Variants in DDHD1 observed in about 807,000 individuals in gnomAD.
The protein encoded by DDHD1 is DDHD domain containing 1, also known as phospholipase DDHD1.
Under a neutral mutation model 96.4 loss-of-function variants are expected in DDHD1, and 49 were observed. The ratio of observed to expected loss-of-function variants is 0.51; its 90% CI spans 0.40 to 0.64. The LOEUF (loss-of-function observed/expected upper bound fraction) is 0.64, where lower values mean the gene tolerates loss of function less well. Among genes scored for constraint, DDHD1 ranks in the 30% least tolerant of loss-of-function variants. DDHD1 has a pLI of 0.00. For missense variants in DDHD1, 1,106 were observed against 1,161.2 expected (o/e 0.95, Z 0.69); for synonymous variants, 442 against 446.5 (o/e 0.99, Z 0.13).
rs546808674 is a variant in DDHD1, at chr14:53,138,996, T to G, written c.838+13265A>C. On this transcript the variant is annotated intron_variant, in intron 1 of 12. Coordinates refer to ENST00000673822, the MANE Select transcript of DDHD1 (RefSeq NM_001160148.2). ...CTAGATCCTTACTCCCTATCTCACC[T>G]AAGGAATGAAAGCCTTAAGCTGCTG... 3.3e-5 allele frequency among the ~76,000 whole-genome samples: 5 copies of G among 150,408 alleles called. No individual in the cohort carries two copies. The East Asian group carries it at 9.8e-4, about 29-fold the overall frequency.
At chr14:53,093,646 T>C (rs1886628989) in intron 2 of DDHD1, 1 of 564,826 alleles carries the variant, frequency 1.8e-6, no homozygotes, top group African/African-American at 1.9e-5. Flanking sequence ...AAATGATTAA[T>C]CCTGCTACAG....
intron 1 of DDHD1, among the ~76,000 whole-genome samples, chr14:53,145,366 G>T (rs1271230382): frequency 6.6e-6 from 1 of 151,834 alleles, no homozygotes; most frequent in Non-Finnish European, 1.5e-5. Context: ...AGCTGGGCAT[G>T]GTGACGTGCA....
chr14:53,048,338 GTTT>G (rs34204835), intron 12 of DDHD1, among the ~76,000 whole-genome samples: 3 of 130,468 alleles, frequency 2.3e-5, no homozygotes, highest in Admixed American at 7.7e-5. Flanking sequence ...TTTTTGGGCT[GTTT>G]TTTTTTTTTT....
chr14:53,048,496 C>A (rs1239682869), intron 12 of DDHD1: 1 of 151,996 alleles, frequency 6.6e-6, no homozygotes, highest in Non-Finnish European at 1.5e-5. Context: ...CACCACCACA[C>A]CTGGCTAATT....
rs35996453 is a variant in DDHD1, at chr14:53,124,249, T to TTATATATATATATA, written c.839-20407_839-20394dup. ...AAACTCTGTCTCAAAAAAAAAAAAA[T>TTATATATATATATA]TATATATATATATATGGTTAAAAAT... On this transcript the variant is annotated intron_variant, in intron 1 of 12. Transcript: ENST00000673822. Among the ~76,000 whole-genome samples, 105 of 146,520 alleles carry TTATATATATATATA rather than the reference T, an allele frequency of 7.2e-4. 2 individuals are homozygous for TTATATATATATATA. The highest frequency in any genetic ancestry group is 2.6e-3 in the African/African-American group (102 of 38,746).
At position 53,109,420 on chromosome 14, in the gene DDHD1, T is replaced by C. The variant is rs185016491; in HGVS notation, c.839-5564A>G. On this transcript the variant is annotated intron_variant, in intron 1 of 12. Transcript: ENST00000673822. ...TCCCTTCTCCTATTTTCTCAGTCTC[T>C]TAAGCCTTTCCTTACCCAGCTCTTC... Among the ~76,000 whole-genome samples the C allele has an allele frequency of 6.3e-3, 954 of 152,304 alleles. 3 individuals are homozygous for C. The highest frequency in any genetic ancestry group is 0.014 in the Middle Eastern group (4 of 294).
At chr14:53,066,612 T>C (rs1412796831) in intron 6 of DDHD1, among the ~76,000 whole-genome samples, 6 of 152,208 alleles carry the variant, frequency 3.9e-5, no homozygotes. Flanking sequence ...TCCTAGAATA[T>C]TGCCTAACAC....
At chr14:53,118,957 CG>C (rs1474038337) in intron 1 of DDHD1, among the ~76,000 whole-genome samples, 1 of 152,150 alleles carries the variant, frequency 6.6e-6, no homozygotes, top group Non-Finnish European at 1.5e-5. Context: ...AGACTAACGG[CG>C]GATCTCTTGG....
intron 7 of DDHD1, among the ~76,000 whole-genome samples, chr14:53,062,373 AAAG>A (rs1883658886): frequency 6.6e-6 from 1 of 152,084 alleles, no homozygotes. Flanking sequence ...TAAAGAGAAC[AAAG>A]AAGATAAGGC....
intron 4 of DDHD1, among the ~76,000 whole-genome samples, chr14:53,080,714 C>CCCCT (rs749462555): frequency 3.2e-5 from 1 of 30,874 alleles, no homozygotes; most frequent in Non-Finnish European, 6.1e-5. Context: ...CTTTTCCTTC[C>CCCCT]CCCTTTTTTT....
chr14:53,088,285 C>G (rs79538749), intron 4 of DDHD1, among the ~76,000 whole-genome samples: 3 of 152,224 alleles, frequency 2.0e-5, no homozygotes, highest in African/African-American at 7.2e-5. Context: ...TTGCAGTCAA[C>G]AGAAAAAGAG....
intron 2 of DDHD1, among the ~76,000 whole-genome samples, chr14:53,097,203 C>T (rs1217995546): frequency 6.6e-6 from 1 of 151,944 alleles, no homozygotes; most frequent in Non-Finnish European, 1.5e-5. Flanking sequence ...AGGTTAAATA[C>T]TGCTCAAATA....
intron 4 of DDHD1, among the ~76,000 whole-genome samples, chr14:53,084,509 A>C (rs1467772743): frequency 6.6e-6 from 1 of 152,206 alleles, no homozygotes; most frequent in Non-Finnish European, 1.5e-5. Flanking sequence ...ACATCACGGG[A>C]AGTAATACAT....
At chr14:53,072,791 A>T (rs1346456455) in intron 5 of DDHD1, 88 bp from the exon 6 acceptor site, 1 of 702,496 alleles carries the variant, frequency 1.4e-6, no homozygotes, top group Non-Finnish European at 2.3e-6. Flanking sequence ...GTTGCCTGAA[A>T]TAGTAACTAT....
rs532961209 is a variant in DDHD1, at chr14:53,111,643, C to A, written c.839-7787G>T. ...ATCTTTAAAGTTTATTACCCCCCCCCAAAAAAATACATTAGACTCAGCAAA... is the reference window on the plus strand; with the variant it reads ...ATCTTTAAAGTTTATTACCCCCCCCAAAAAAAATACATTAGACTCAGCAAA... On this transcript the variant is annotated intron_variant, in intron 1 of 12. Transcript: ENST00000673822. Among the ~76,000 whole-genome samples, 793 of 151,218 alleles carry A rather than the reference C, an allele frequency of 5.2e-3. 4 individuals are homozygous for A. Among genetic ancestry groups the A allele is most frequent in the Middle Eastern group, 0.014 (4 of 292 alleles).
rs1891493011 is a variant in DDHD1, at chr14:53,152,494, C to G, written c.605G>C (p.Gly202Ala). 4.3e-6 allele frequency: 7 copies of G among 1,613,182 alleles called. No individual in the cohort carries two copies. The East Asian group carries it at 1.6e-4, about 36-fold the overall frequency. ...LAFRTLLQTT[G>A]ARPQGGDRDG... ...CCGGTCCCCGCCCTGGGGCCGGGCA[C>G]CCGTGGTCTGCAGCAGGGTCCGGAA... is the stretch of plus-strand genomic sequence containing the variant. The change falls in exon 1 of 13, where the codon GGT becomes GCT. Residue 202 changes from glycine to alanine, a missense_variant. Gly to Ala is a moderately conservative substitution (Grantham distance 60). Around this residue, in one of 2 missense-constraint regions of DDHD1, gnomAD observed 456 missense variants for 402.4 expected, o/e 1.13. Coordinates refer to ENST00000673822, the MANE Select transcript of DDHD1 (RefSeq NM_001160148.2).
chr14:53,081,391 T>G (rs1201858226), intron 4 of DDHD1, among the ~76,000 whole-genome samples: 1 of 152,240 alleles, frequency 6.6e-6, no homozygotes, highest in African/African-American at 2.4e-5. Flanking sequence ...GTAGTTCTTA[T>G]GTAAATCATT....
intron 6 of DDHD1, among the ~76,000 whole-genome samples, chr14:53,071,413 C>A (rs1273178346): frequency 6.6e-6 from 1 of 152,036 alleles, no homozygotes; most frequent in Non-Finnish European, 1.5e-5. Flanking sequence ...TCCTTCCATA[C>A]ATTTCATAAA....
chr14:53,131,234 G>A (rs1423471367), intron 1 of DDHD1, among the ~76,000 whole-genome samples: 1 of 152,044 alleles, frequency 6.6e-6, no homozygotes, highest in Admixed American at 6.6e-5. Context: ...CTTTTCCCCA[G>A]TTCAAAGCCT....
Sources: gnomAD v4.1 joint callset for allele counts (sites outside exome capture counted in the v4.1 genomes callset) on GRCh38, gnomAD v4.1.1 for gene constraint, gnomAD v4.1.1 regional missense constraint, MANE v1.5 for transcripts, NCBI Gene and HGNC (gene_info 2026-07-23, HGNC 2026-07-21) for gene names.